CYLD: variants seen among roughly 807,000 people sequenced by gnomAD.
CYLD encodes the protein ubiquitin carboxyl-terminal hydrolase CYLD.
Under a neutral mutation model 104.5 loss-of-function variants are expected in CYLD, and 26 were observed. The observed-to-expected ratio is 0.25, with a 90% CI of 0.18 to 0.35. CYLD has a LOEUF of 0.35. Ranked by LOEUF, CYLD falls within the 10% of genes least tolerant of loss-of-function variation. The pLI is 1.00. For missense variants in CYLD, 703 were observed against 1,136.1 expected (o/e 0.62, Z 5.48); for synonymous variants, 385 against 399.9 (o/e 0.96, Z 0.45).
At chr16:50,791,794 G>C in intron 15 of CYLD, 104 bp downstream of exon 15, 9 of 1,310,458 alleles carry the variant, frequency 6.9e-6, no homozygotes, top group Non-Finnish European at 8.8e-6. Context: ...AGAAAAGTTT[G>C]AAACACAAAC....
At position 50,776,225 on chromosome 16, in the gene CYLD, A is replaced by G; in HGVS notation, c.969A>G (p.Ser323=). Residue 323 remains serine (S), a synonymous_variant, in exon 7 of 19, where the codon TCA becomes TCG. Transcript: ENST00000427738. ...GGCCTCCCAAACTTGCCTTTATGTC[A>G]AGAGGTGTTGGGGACAAAGGTTCAT... is the stretch of plus-strand genomic sequence containing the variant. The part of the protein sequence containing the change: ...ERRPPKLAFM[S]RGVGDKGSSS... 4 of 1,613,676 alleles carry G rather than the reference A, an allele frequency of 2.5e-6. No individual in the cohort carries two copies. The highest frequency in any genetic ancestry group is 3.4e-6 in the Non-Finnish European group (4 of 1,179,716).
At chr16:50,782,102 G>A (rs543339778) in intron 10 of CYLD, among the ~76,000 whole-genome samples, 2 of 152,274 alleles carry the variant, frequency 1.3e-5, no homozygotes, top group Non-Finnish European at 2.9e-5. Flanking sequence ...ATACTCTAAA[G>A]TGTGTTTTTA....
At chr16:50,782,536 G>A (rs950832391) in intron 11 of CYLD, 70 bp downstream of exon 11, 166 of 1,492,662 alleles carry the variant, frequency 1.1e-4, no homozygotes, top group Non-Finnish European at 1.5e-4. Context: ...GTGTGTGTGT[G>A]TGTGTGCGTG....
In CYLD at chr16:50,796,871, C is replaced by CT. The variant is rs1972097119; in HGVS notation, c.*365dup. 2.8e-6 allele frequency: 1 copy of CT among 352,876 alleles called. No individual in the cohort carries two copies. The allele number at this position is 352,876 out of a possible 1,614,324, so 21.9% of individuals were successfully genotyped here. On this transcript the variant is annotated 3_prime_UTR_variant, in exon 19 of 19. Transcript: ENST00000427738. ...CCATTGAGAATGTAAATAAATGTGT[C>CT]TTCTTTATGGACCAAGGATATGAAA...
intron 4 of CYLD, among the ~76,000 whole-genome samples, chr16:50,753,625 C>T (rs1390649567): frequency 2.0e-5 from 3 of 152,242 alleles, no homozygotes; most frequent in African/African-American, 7.2e-5. Flanking sequence ...CCTTTTCCTT[C>T]TATTCATCCT....
chr16:50,795,535 A>G (rs754994876), intron 18 of CYLD: 2 of 702,520 alleles, frequency 2.8e-6, no homozygotes, highest in East Asian at 2.7e-5. Context: ...CTTATACCCT[A>G]TTTTTCCTTT....
intron 18 of CYLD, 60 bp from the exon 19 acceptor site, chr16:50,796,264 C>T (rs1972041615): frequency 2.0e-6 from 3 of 1,529,608 alleles, no homozygotes; most frequent in Non-Finnish European, 2.7e-6. Context: ...ATTATAAAAT[C>T]ACTGGCAAAA....
chr16:50,771,433 T>C (rs994829060), intron 5 of CYLD, among the ~76,000 whole-genome samples: 3 of 152,210 alleles, frequency 2.0e-5, no homozygotes, highest in Non-Finnish European at 4.4e-5. Context: ...CAGTTTCTAG[T>C]TTTTGACTAT....
chr16:50,776,353 G>A, intron 7 of CYLD, 76 bp downstream of exon 7: 1 of 1,055,680 alleles, frequency 9.5e-7, no homozygotes, highest in Non-Finnish European at 1.5e-6. Context: ...AAGATTATAA[G>A]CTATTACTTC....
At chr16:50,784,586 C>T (rs548220981) in intron 12 of CYLD, 135 bp downstream of exon 12, 66 of 979,080 alleles carry the variant, frequency 6.7e-5, no homozygotes, top group African/African-American at 4.9e-4. Flanking sequence ...TAAAATATTA[C>T]GTTTTTAAAC....
intron 3 of CYLD, among the ~76,000 whole-genome samples, chr16:50,751,188 A>G (rs189449905): frequency 1.6e-3 from 241 of 152,334 alleles, no homozygotes; most frequent in Middle Eastern, 0.014. Context: ...TACCTGTACA[A>G]TGGTGTTAAT....
intron 5 of CYLD, among the ~76,000 whole-genome samples, chr16:50,755,082 CACACATATAT>C (rs1966953837): frequency 1.6e-5 from 1 of 64,394 alleles, no homozygotes; most frequent in African/African-American, 8.2e-5. Flanking sequence ...TATACATATA[CACACATATAT>C]ACATACATAT....
chr16:50,800,789 C>G lies in CYLD; in HGVS notation c.*4281C>G, dbSNP rs187441896. 6.4e-5 allele frequency: 15 copies of G among 233,188 alleles called. No individual in the cohort carries two copies. In the East Asian group the frequency reaches 9.0e-4, roughly 14 times the overall value. The allele number at this position is 233,188 out of a possible 1,614,324, so 14.4% of individuals were successfully genotyped here. A position where few individuals can be genotyped will look rare whatever the true frequency, so the allele number is the denominator to read the frequency against. ...TTTTAAAGTAGGTAGGCTATAAGGC[C>G]TGTAATTTAAAATAATACTCCTTTC... On this transcript the variant is annotated 3_prime_UTR_variant, in exon 19 of 19. Transcript: ENST00000427738.
intron 6 of CYLD, 77 bp downstream of exon 6, chr16:50,775,251 C>A: frequency 9.3e-7 from 1 of 1,071,428 alleles, no homozygotes; most frequent in Non-Finnish European, 1.4e-6. Context: ...TTCACACTGC[C>A]TCTTCTACAT....
rs1042562560 is a variant in CYLD at position 50,782,317 on chromosome 16, C to A, written c.1685-8C>A. ...TTTCATTTACTTTTTTTAAAAAAAT[C>A]TTTTCAGCATTTGGAGGCTACTTAA... is the stretch of plus-strand genomic sequence containing the variant. On this transcript the variant is annotated splice_region_variant and splice_polypyrimidine_tract_variant and intron_variant, in intron 10 of 18. Transcript: ENST00000427738. 2.5e-6 allele frequency: 4 copies of A among 1,581,466 alleles called. No homozygotes were observed. In the African/African-American group the frequency reaches 4.1e-5, roughly 16 times the overall value.
chr16:50,750,203 G>A lies in CYLD; in HGVS notation c.504+1G>A, dbSNP rs2150897789. ...AATATTCTTTGGAGTTGAATTGCTGGTAAGTTTGATAAACCATTTTAGTAG... is the reference window on the plus strand; with the variant it reads ...AATATTCTTTGGAGTTGAATTGCTGATAAGTTTGATAAACCATTTTAGTAG... On this transcript the variant is annotated splice_donor_variant, in intron 3 of 18. Transcript: ENST00000427738. LOFTEE classifies it high-confidence loss of function. 1 of 1,613,660 alleles carries A rather than the reference G, an allele frequency of 6.2e-7. No homozygotes were observed. Among genetic ancestry groups the A allele is most frequent in the Non-Finnish European group, 8.5e-7 (1 of 1,179,908 alleles).
intron 5 of CYLD, among the ~76,000 whole-genome samples, chr16:50,764,633 A>C (rs1246521327): frequency 6.6e-6 from 1 of 152,184 alleles, no homozygotes; most frequent in Admixed American, 6.5e-5. Flanking sequence ...TATTGTTTAA[A>C]ATATGCTACT....
rs1248488179 is a variant in CYLD at position 50,779,820 on chromosome 16, A to C, written c.1294A>C (p.Ser432Arg). The C allele has an allele frequency of 1.9e-5, 31 of 1,613,574 alleles. No homozygotes were observed. Among genetic ancestry groups the C allele is most frequent in the Non-Finnish European group, 2.5e-5 (30 of 1,179,956 alleles). ...CACCAAGATGCCCAATACCAATGGA[A>C]GTATTGGCCACAGTCCACTTTCTCT... Reference protein sequence around the residue: ...SLTKMPNTNGSIGHSPLSLSA... With the variant: ...SLTKMPNTNGRIGHSPLSLSA... The change falls in exon 9 of 19, where the codon AGT becomes CGT. Residue 432 changes from serine (S) to arginine (R), a missense_variant. Physicochemically the swap from Ser to Arg is moderately radical, Grantham distance 110. Coordinates refer to ENST00000427738, the MANE Select transcript of CYLD (RefSeq NM_001378743.1).
chr16:50,785,526 A>G (rs538884518), intron 12 of CYLD: 5 of 152,294 alleles, frequency 3.3e-5, no homozygotes, highest in Admixed American at 6.5e-5. Context: ...AAATTTTTAA[A>G]CATACGATTT....
Sources: allele counts gnomAD v4.1 joint callset (sites outside exome capture counted in the v4.1 genomes callset), GRCh38; gene constraint gnomAD v4.1.1; transcripts MANE v1.5; gene names NCBI Gene and HGNC (gene_info 2026-07-23, HGNC 2026-07-21).